Variants in PLCL2 observed in about 807,000 individuals in gnomAD.
The protein encoded by PLCL2 is inactive phospholipase C-like protein 2.
A neutral mutation model predicts 79.6 loss-of-function variants in PLCL2; 4 were observed. That is an observed-to-expected ratio of 0.05 (90% CI 0.02 to 0.11). PLCL2 has a LOEUF of 0.11. PLCL2 is among the 10% of genes least tolerant of loss of function. The pLI, the probability that PLCL2 is intolerant of heterozygous loss-of-function variation, is 1.00. For synonymous variants in PLCL2, 484 were observed against 457.7 expected (o/e 1.06, Z -0.73); for missense variants, 895 against 1,291.0 (o/e 0.69, Z 4.70).
intron 3 of PLCL2, among the ~76,000 whole-genome samples, chr3:17,034,698 C>T (rs999102024): frequency 6.6e-5 from 10 of 152,134 alleles, no homozygotes; most frequent in South Asian, 6.2e-4. Context: ...AGTTTGATGA[C>T]GTTTTTGTGA....
chr3:16,978,775 TTA>T (rs2063951270), intron 1 of PLCL2, among the ~76,000 whole-genome samples: 1 of 152,190 alleles, frequency 6.6e-6, no homozygotes, highest in Non-Finnish European at 1.5e-5. Flanking sequence ...GGCAACAATT[TTA>T]TATGTTGGAA....
chr3:16,902,554 C>T (rs995192541), intron 1 of PLCL2, among the ~76,000 whole-genome samples: 2 of 152,118 alleles, frequency 1.3e-5, no homozygotes, highest in Non-Finnish European at 2.9e-5. Flanking sequence ...GGGCCAGGCA[C>T]GGTGGCTCAT....
chr3:16,949,073 C>T (rs1052709606), intron 1 of PLCL2, among the ~76,000 whole-genome samples: 1 of 152,128 alleles, frequency 6.6e-6, no homozygotes, highest in Non-Finnish European at 1.5e-5. Context: ...ATTTTTTAAC[C>T]ATTCCCCTAT....
intron 3 of PLCL2, among the ~76,000 whole-genome samples, chr3:17,036,945 C>T (rs532876412): frequency 6.6e-6 from 1 of 152,188 alleles, no homozygotes; most frequent in East Asian, 1.9e-4. Context: ...ATCCCATTGA[C>T]TAGGAAGGAG....
intron 1 of PLCL2, among the ~76,000 whole-genome samples, chr3:16,907,133 C>G (rs1430787422): frequency 6.6e-6 from 1 of 152,002 alleles, no homozygotes; most frequent in Non-Finnish European, 1.5e-5. Context: ...TAATTTAAGC[C>G]CTGTTTCATG....
At chr3:16,969,385 G>T (rs1271089814) in intron 1 of PLCL2, among the ~76,000 whole-genome samples, 1 of 151,940 alleles carries the variant, frequency 6.6e-6, no homozygotes, top group East Asian at 1.9e-4. Context: ...GCTTTTTCTA[G>T]TTCGTAGGCT....
intron 1 of PLCL2, among the ~76,000 whole-genome samples, chr3:16,943,231 C>T (rs764155141): frequency 3.3e-5 from 5 of 152,212 alleles, no homozygotes; most frequent in South Asian, 2.1e-4. Flanking sequence ...TCAGACACTT[C>T]ATTTGTGAAA....
chr3:17,011,692 T>C lies in PLCL2; in HGVS notation c.2346T>C (p.Tyr782=), dbSNP rs938370688. 2 of 1,614,022 alleles carry C rather than the reference T, an allele frequency of 1.2e-6. No individual in the cohort carries two copies. Among genetic ancestry groups the C allele is most frequent in the African/African-American group, 1.3e-5 (1 of 74,928 alleles). The change falls in exon 2 of 6, where the codon TAT becomes TAC. Residue 782 remains tyrosine (Y), a synonymous_variant. Coordinates refer to ENST00000615277, the MANE Select transcript of PLCL2 (RefSeq NM_001144382.2). This position sits in a 1 kb window ranked among gnomAD's most constrained non-coding sequence, Gnocchi z 7.9. ...CCAAAGGTGATGTGGTAGATCCTTA[T>C]GTCTATGTTGAAATCCATGGAATCC... ...SGAKGDVVDP[Y]VYVEIHGIPA... is the part of the protein sequence containing the mutation.
rs185294419 is a variant in PLCL2, at chr3:16,951,427, A to G, written c.328-58247A>G. On this transcript the variant is annotated intron_variant, in intron 1 of 5. Transcript: ENST00000615277. ...TTTCTTTTTGAAATTCATTTTGCCA[A>G]ATATTTGACTGGCTTAGGTGTCTTT... 1.8e-3 allele frequency among the ~76,000 whole-genome samples: 268 copies of G among 152,120 alleles called. 1 individual carries two copies. The highest frequency in any genetic ancestry group is 2.3e-3 in the Non-Finnish European group (153 of 67,978).
chr3:16,965,630 A>G (rs1226591032), intron 1 of PLCL2, among the ~76,000 whole-genome samples: 2 of 151,952 alleles, frequency 1.3e-5, no homozygotes, highest in African/African-American at 4.8e-5. Flanking sequence ...CATTTTCACG[A>G]TATTGATTCT....
chr3:17,083,246 G>C (rs1167293803), intron 5 of PLCL2, among the ~76,000 whole-genome samples: 2 of 152,204 alleles, frequency 1.3e-5, no homozygotes, highest in African/African-American at 4.8e-5. Context: ...CTGCTGTGAA[G>C]AGGGCATCAG....
At chr3:17,069,247 A>T (rs1231052939) in intron 5 of PLCL2, among the ~76,000 whole-genome samples, 2 of 152,190 alleles carry the variant, frequency 1.3e-5, no homozygotes, top group African/African-American at 4.8e-5. Context: ...GAATGGGCCC[A>T]GTGCTCAGAA....
chr3:16,908,588 C>A (rs1216454942), intron 1 of PLCL2, among the ~76,000 whole-genome samples: 1 of 152,092 alleles, frequency 6.6e-6, no homozygotes, highest in East Asian at 1.9e-4. Context: ...GACAGGGCAC[C>A]CACCACATCC....
intron 1 of PLCL2, among the ~76,000 whole-genome samples, chr3:16,969,681 A>G (rs1310531007): frequency 6.6e-6 from 1 of 151,824 alleles, no homozygotes; most frequent in African/African-American, 2.4e-5. Context: ...ATTTATTCCT[A>G]CAAATAACCA....
intron 1 of PLCL2, among the ~76,000 whole-genome samples, chr3:16,905,676 A>G (rs759731867): frequency 3.3e-5 from 5 of 152,240 alleles, no homozygotes; most frequent in Non-Finnish European, 7.3e-5. Flanking sequence ...AGAGGTTTTC[A>G]TCAAATTTTC....
At chr3:17,013,417 C>T (rs927456117) in intron 2 of PLCL2, among the ~76,000 whole-genome samples, 3 of 152,076 alleles carry the variant, frequency 2.0e-5, no homozygotes, top group African/African-American at 7.3e-5. Context: ...TGGGGGCAGG[C>T]AGTGGGAAGG....
At chr3:16,999,378 C>T (rs77341750) in intron 1 of PLCL2, among the ~76,000 whole-genome samples, 1,636 of 152,276 alleles carry the variant, frequency 0.011, 30 homozygotes, top group Admixed American at 0.046. Flanking sequence ...ATTGCAGTGA[C>T]ACATTTATGA....
At chr3:17,034,147 A>G (rs926060802) in intron 3 of PLCL2, among the ~76,000 whole-genome samples, 2 of 152,174 alleles carry the variant, frequency 1.3e-5, no homozygotes, top group African/African-American at 4.8e-5. Context: ...GGTTTCCTCC[A>G]GGTACACCAG....
chr3:16,896,186 C>T (rs950805060), intron 1 of PLCL2, among the ~76,000 whole-genome samples: 13 of 152,098 alleles, frequency 8.5e-5, no homozygotes, highest in African/African-American at 2.4e-4. Context: ...TATTTAGGGC[C>T]GTGCCTTTTA....
Sources: gnomAD v4.1 joint callset for allele counts (sites outside exome capture counted in the v4.1 genomes callset) on GRCh38, gnomAD v4.1.1 for gene constraint, Gnocchi (gnomAD v3.1) non-coding constraint, MANE v1.5 for transcripts, NCBI Gene and HGNC (gene_info 2026-07-23, HGNC 2026-07-21) for gene names.